Variants in ZNF644 observed in about 807,000 individuals in gnomAD.
ZNF644 encodes the protein zinc finger protein 644, also known as zinc finger motif enhancer binding protein 2.
ZNF644 carries 20 observed loss-of-function variants against 108.0 expected under a neutral mutation model. That is an observed-to-expected ratio of 0.19 (90% confidence interval 0.13 to 0.27). The LOEUF is 0.27. ZNF644 is among the 10% of genes least tolerant of loss of function. The probability of loss-of-function intolerance (pLI) is 1.00; values close to 1 mark genes in which losing one functional copy is unlikely to be tolerated. For missense variants in ZNF644, 1,338 were observed against 1,548.9 expected (o/e 0.86, Z 2.29); for synonymous variants, 542 against 539.1 (o/e 1.01, Z -0.08).
chr1:90,977,245 C>T (rs899280239), intron 2 of ZNF644, among the ~76,000 whole-genome samples: 2 of 151,890 alleles, frequency 1.3e-5, no homozygotes, highest in Non-Finnish European at 2.9e-5. Flanking sequence ...CTTTTATTTT[C>T]TTTTTATTTA....
intron 4 of ZNF644, among the ~76,000 whole-genome samples, chr1:90,918,638 G>A (rs1172958209): frequency 2.0e-5 from 3 of 151,980 alleles, no homozygotes; most frequent in South Asian, 2.1e-4. Flanking sequence ...GGAAAACTTC[G>A]TAAGGGAATA....
At position 90,934,373 on chromosome 1, in the gene ZNF644, A is replaced by G. The variant is rs76044170; in HGVS notation, c.3688+3112T>C. ...GAACAAAAAAGCTGGGAAAACAACT[A>G]GAAGAAAGCAGGAGGCAGTGATCTA... On this transcript the variant is annotated intron_variant, in intron 4 of 5. Transcript: ENST00000337393. Among the ~76,000 whole-genome samples, 266 of 152,326 alleles carry G rather than the reference A, an allele frequency of 1.7e-3. 2 individuals carry two copies. Among genetic ancestry groups the G allele is most frequent in the African/African-American group, 6.3e-3 (260 of 41,586 alleles).
intron 2 of ZNF644, among the ~76,000 whole-genome samples, chr1:90,965,274 G>C (rs990310429): frequency 6.6e-6 from 1 of 152,100 alleles, no homozygotes; most frequent in Non-Finnish European, 1.5e-5. Context: ...ACTGCTGTGA[G>C]GAAAGATCTG....
At chr1:90,970,268 T>C (rs986006721) in intron 2 of ZNF644, among the ~76,000 whole-genome samples, 2 of 152,194 alleles carry the variant, frequency 1.3e-5, no homozygotes, top group Non-Finnish European at 2.9e-5. Context: ...AGAAAACCTG[T>C]ATTCAGGGCC....
intron 1 of ZNF644, among the ~76,000 whole-genome samples, chr1:90,991,108 A>G (rs1657591743): frequency 6.6e-6 from 1 of 152,186 alleles, no homozygotes; most frequent in Non-Finnish European, 1.5e-5. Context: ...AAACAACCCA[A>G]TTACAAAATA....
intron 5 of ZNF644, 121 bp from the exon 6 acceptor site, chr1:90,917,111 G>T: frequency 9.9e-7 from 1 of 1,005,540 alleles, no homozygotes; most frequent in Non-Finnish European, 1.5e-6. Flanking sequence ...AATTGATAAA[G>T]TTTCTAAAGT....
At chr1:90,997,455 TA>T (rs2101636340) in intron 1 of ZNF644, among the ~76,000 whole-genome samples, 2 of 151,926 alleles carry the variant, frequency 1.3e-5, no homozygotes, top group South Asian at 4.2e-4. Flanking sequence ...AAAAAATCAC[TA>T]AAATAACAAA....
intron 4 of ZNF644, among the ~76,000 whole-genome samples, chr1:90,919,376 T>C (rs1383507827): frequency 2.0e-5 from 3 of 152,172 alleles, no homozygotes; most frequent in African/African-American, 7.2e-5. Context: ...TCAATGACTC[T>C]GTGAAACGAA....
Position 90,937,957 on chromosome 1 carries a change from G to T in ZNF644, c.3216C>A (p.His1072Gln), listed in dbSNP as rs780084758. 408 of 1,612,872 alleles carry T rather than the reference G, an allele frequency of 2.5e-4. No homozygotes were observed. The highest frequency in any genetic ancestry group is 3.0e-4 in the Non-Finnish European group (359 of 1,179,858). ...KRLGKTKWDA[H>Q]KSPICVLNEM... Reference sequence around the variant, plus strand: ...CATTCAGAACACAGATTGGAGATTTGTGAGCATCCCATTTCGTCTTTCCAA... The same window carrying T: ...CATTCAGAACACAGATTGGAGATTTTTGAGCATCCCATTTCGTCTTTCCAA... Residue 1072 changes from histidine to glutamine, a missense_variant, in exon 4 of 6, where the codon CAC (histidine) becomes CAA (glutamine). By Grantham distance (24) the His-to-Gln change is conservative. This residue lies in a region of ZNF644 where 287 missense variants were observed against 310.9 expected (regional missense o/e 0.92). Coordinates refer to ENST00000337393, the MANE Select transcript of ZNF644 (RefSeq NM_201269.3).
intron 4 of ZNF644, among the ~76,000 whole-genome samples, chr1:90,925,481 T>G (rs1483288257): frequency 2.0e-5 from 3 of 151,998 alleles, no homozygotes; most frequent in Non-Finnish European, 4.4e-5. Flanking sequence ...TTGAATAAAC[T>G]CTATACCTAA....
rs1659602788 is a variant in ZNF644 at position 91,007,889 on chromosome 1, A to G, written c.-18+14101T>C. Among the ~76,000 whole-genome samples the G allele has an allele frequency of 2.0e-5, 3 of 152,102 alleles. No homozygotes were observed. In the East Asian group the frequency reaches 5.8e-4, roughly 29 times the overall value. On this transcript the variant is annotated intron_variant, in intron 1 of 5. Transcript: ENST00000337393. ...CAAATGTTTGGTGATCCTTAATCTC[A>G]TATTTAAGATTGAGGCACTTAAAAG...
At chr1:90,942,938 C>T (rs921947727) in intron 2 of ZNF644, among the ~76,000 whole-genome samples, 3 of 152,090 alleles carry the variant, frequency 2.0e-5, no homozygotes, top group Admixed American at 6.6e-5. Flanking sequence ...AAGTTAGGTT[C>T]CTGCTCTCAG....
intron 1 of ZNF644, among the ~76,000 whole-genome samples, chr1:90,983,482 A>C (rs1656770077): frequency 7.9e-6 from 1 of 126,316 alleles, no homozygotes. Context: ...CTCATATGGC[A>C]AAAAAAAAAA....
At chr1:91,013,500 CAT>C (rs1287940683) in intron 1 of ZNF644, among the ~76,000 whole-genome samples, 6 of 151,098 alleles carry the variant, frequency 4.0e-5, no homozygotes, top group African/African-American at 9.8e-5. Flanking sequence ...CACACACACA[CAT>C]ATACACACCC....
intron 1 of ZNF644, among the ~76,000 whole-genome samples, chr1:91,000,004 T>A (rs1658597532): frequency 6.6e-6 from 1 of 152,162 alleles, no homozygotes; most frequent in Non-Finnish European, 1.5e-5. Context: ...TAAATATATA[T>A]GCACCCAATA....
chr1:90,965,933 T>C (rs1654821274), intron 2 of ZNF644, among the ~76,000 whole-genome samples: 1 of 152,160 alleles, frequency 6.6e-6, no homozygotes, highest in Non-Finnish European at 1.5e-5. Context: ...GTATTTTTAG[T>C]AGAGACGGGG....
At position 91,007,538 on chromosome 1, in the gene ZNF644, C is replaced by T. The variant is rs7525566; in HGVS notation, c.-18+14452G>A. 3.2e-3 allele frequency among the ~76,000 whole-genome samples: 482 copies of T among 152,130 alleles called. 2 individuals are homozygous for T. The highest frequency in any genetic ancestry group is 0.011 in the African/African-American group (447 of 41,502). Reference sequence around the variant, plus strand: ...AAATTCTTACTTTTCATATGTTGAACGTGCATGCAAGTGTGATCCTCTAGT... The same window carrying T: ...AAATTCTTACTTTTCATATGTTGAATGTGCATGCAAGTGTGATCCTCTAGT... On this transcript the variant is annotated intron_variant, in intron 1 of 5. Transcript: ENST00000337393.
chr1:90,941,357 C>T, intron 2 of ZNF644, 48 bp from the exon 3 acceptor site: 5 of 1,519,364 alleles, frequency 3.3e-6, no homozygotes, highest in Non-Finnish European at 4.5e-6. Flanking sequence ...AGAAAAAATA[C>T]TATTAGAATG....
intron 1 of ZNF644, among the ~76,000 whole-genome samples, chr1:91,004,393 T>C (rs945168587): frequency 2.6e-5 from 4 of 152,288 alleles, no homozygotes; most frequent in South Asian, 2.1e-4. Context: ...GGAGGCCGGA[T>C]GGCAATGGTG....
Sources: allele counts gnomAD v4.1 joint callset (sites outside exome capture counted in the v4.1 genomes callset), GRCh38; gene constraint gnomAD v4.1.1; regional missense constraint gnomAD v4.1.1; transcripts MANE v1.5; gene names NCBI Gene and HGNC (gene_info 2026-07-23, HGNC 2026-07-21).